The following AHNAK2 variants were observed in gnomAD, a reference collection of about 807,000 sequenced individuals.
AHNAK2 encodes the protein protein AHNAK2.
Under a neutral mutation model 30.7 loss-of-function variants are expected in AHNAK2, and 18 were observed. That is an observed-to-expected ratio of 0.59 (90% confidence interval 0.41 to 0.87). The LOEUF (loss-of-function observed/expected upper bound fraction) is 0.87, where lower values mean the gene tolerates loss of function less well. Among genes scored for constraint, AHNAK2 ranks in the 40% least tolerant of loss-of-function variants. The pLI is 0.00. For synonymous variants in AHNAK2, 3,590 were observed against 3,073.8 expected (o/e 1.17, Z -5.56); for missense variants, 8,604 against 7,373.0 (o/e 1.17, Z -6.11).
At position 104,944,928 on chromosome 14, in the gene AHNAK2, C is replaced by T. The variant is rs751999792; in HGVS notation, c.10523G>A (p.Ser3508Asn). 7 of 1,613,150 alleles carry T rather than the reference C, an allele frequency of 4.3e-6. No individual in the cohort carries two copies. Among genetic ancestry groups the T allele is most frequent in the East Asian group, 4.5e-5 (2 of 44,822 alleles). ...VSAPKVEADV[S>N]LSSMQGDLKA... ...GAGGTCCCCCTGCATGGAGGAGAGG[C>T]TCACGTCGGCCTCCACCTTCGGCGC... is the stretch of plus-strand genomic sequence containing the variant. The change falls in exon 7 of 7, where the codon AGC becomes AAC. Residue 3508 changes from serine (S) to asparagine (N), a missense_variant. By Grantham distance (46) the Ser-to-Asn change is conservative. Transcript: ENST00000333244.
In AHNAK2 at chr14:104,950,110, CG is replaced by C; in HGVS notation, c.5340del (p.Asp1781ThrfsTer36). 1.9e-6 allele frequency: 3 copies of C among 1,586,988 alleles called. 1 individual carries two copies. The highest frequency in any genetic ancestry group is 2.6e-6 in the Non-Finnish European group (3 of 1,163,110). ...LKGPKAEVMA[P>X]DVEVSLPSVE... ...ACGCTGGGCAGAGACACCTCCACGT[CG>C]GGGGCCATCACCTCCGCCTTGGGGC... On this transcript the variant is annotated frameshift_variant, in exon 7 of 7. Coordinates refer to ENST00000333244, the MANE Select transcript of AHNAK2 (RefSeq NM_138420.4). LOFTEE classifies it low-confidence loss of function (END_TRUNC).
At position 104,940,045 on chromosome 14, in the gene AHNAK2, A is replaced by G; in HGVS notation, c.15406T>C (p.Cys5136Arg). The change falls in exon 7 of 7, where the codon TGT (cysteine) becomes CGT (arginine). Residue 5136 changes from cysteine to arginine, a missense_variant. Transcript: ENST00000333244. This position sits in a 1 kb window ranked among gnomAD's most constrained non-coding sequence, Gnocchi z 4.4. ...CTCACTGGGACATCCCCGAGCCCAC[A>G]TCCTCTGCTGTCACCTTCGGTAGAC... is the stretch of plus-strand genomic sequence containing the variant. The part of the protein sequence containing the change: ...DLSTEGDSRG[C>R]GLGDVPVSQP... 6.2e-7 allele frequency: 1 copy of G among 1,609,338 alleles called. No individual in the cohort carries two copies. The highest frequency in any genetic ancestry group is 8.5e-7 in the Non-Finnish European group (1 of 1,177,384).
rs762901237 is a variant in AHNAK2, at chr14:104,940,476, T to C, written c.14975A>G (p.Lys4992Arg). The C allele has an allele frequency of 1.2e-6, 2 of 1,613,834 alleles. No homozygotes were observed. Among genetic ancestry groups the C allele is most frequent in the Non-Finnish European group, 1.7e-6 (2 of 1,179,896 alleles). The change falls in exon 7 of 7, where the codon AAG (lysine) becomes AGG (arginine). Residue 4992 changes from lysine (K) to arginine (R), a missense_variant. Coordinates refer to ENST00000333244, the MANE Select transcript of AHNAK2 (RefSeq NM_138420.4). This position sits in a 1 kb window ranked among gnomAD's most constrained non-coding sequence, Gnocchi z 4.4. ...GGCAGACTGCGGGGCCACTTCATCC[T>C]TGTCTAAAACCAGGCTGAGTTTTGA... is the stretch of plus-strand genomic sequence containing the variant. ...EDSKLSLVLD[K>R]DEVAPQSAIH... is the part of the protein sequence containing the mutation.
chr14:104,955,277 C>A (rs924905166), intron 5 of AHNAK2, 136 bp from the exon 6 acceptor site: 1 of 1,290,166 alleles, frequency 7.8e-7, no homozygotes, highest in Non-Finnish European at 1.1e-6. Flanking sequence ...CAGTCCCCCA[C>A]TGAGTGCCTC....
At chr14:104,963,674 C>T (rs1010478919) in intron 1 of AHNAK2, among the ~76,000 whole-genome samples, 2 of 151,774 alleles carry the variant, frequency 1.3e-5, no homozygotes, top group African/African-American at 4.8e-5. Context: ...TCTAAAAATA[C>T]AAAAAATTAG....
chr14:104,944,774 C>A lies in AHNAK2; in HGVS notation c.10677G>T (p.Val3559=). ...GAGLKGHLPK[V]EMPSLKTPKV... is the part of the protein sequence containing the mutation. ...TGGGCGTCTTTAAACTGGGCATCTC[C>A]ACTTTGGGCAGGTGCCCTTTGAGGC... is the stretch of plus-strand genomic sequence containing the variant. The change falls in exon 7 of 7, where the codon GTG becomes GTT. Residue 3559 remains valine, a synonymous_variant. Coordinates refer to ENST00000333244, the MANE Select transcript of AHNAK2 (RefSeq NM_138420.4). 6.2e-7 allele frequency: 1 copy of A among 1,612,728 alleles called. No individual in the cohort carries two copies.
Position 104,947,966 on chromosome 14 carries a change from C to T in AHNAK2, c.7485G>A (p.Val2495=), listed in dbSNP as rs184602855. ...CCTCGATGGACTTGCCTGGGGCAGACACCCCGAATGACGGCATCTTGAACT... is the reference window on the plus strand; with the variant it reads ...CCTCGATGGACTTGCCTGGGGCAGATACCCCGAATGACGGCATCTTGAACT... ...IPKFKMPSFG[V]SAPGKSIEAS... is the part of the protein sequence containing the mutation. The change falls in exon 7 of 7, where the codon GTG becomes GTA. Residue 2495 remains valine, a synonymous_variant. Coordinates refer to ENST00000333244, the MANE Select transcript of AHNAK2 (RefSeq NM_138420.4). The T allele has an allele frequency of 9.9e-4, 1,600 of 1,612,672 alleles. 35 individuals carry two copies. In the African/African-American group the frequency reaches 0.019, roughly 20 times the overall value.
intron 5 of AHNAK2, 53 bp downstream of exon 5, chr14:104,955,430 C>T (rs1025799722): frequency 3.2e-6 from 5 of 1,569,962 alleles, no homozygotes; most frequent in Non-Finnish European, 1.7e-6. Flanking sequence ...CTCCAGGTCC[C>T]TCCCATCCTG....
At position 104,941,749 on chromosome 14, in the gene AHNAK2, C is replaced by T. The variant is rs569250855; in HGVS notation, c.13702G>A (p.Val4568Ile). 109 of 1,613,664 alleles carry T rather than the reference C, an allele frequency of 6.8e-5. 1 individual carries two copies. Among genetic ancestry groups the T allele is most frequent in the Middle Eastern group, 3.3e-4 (2 of 6,056 alleles). ...TTCAGGTCCAGCTTGGGGCCCTTGACGTCCACCTGGGGGCCCTTGAGGTCC... is the reference window on the plus strand; with the variant it reads ...TTCAGGTCCAGCTTGGGGCCCTTGATGTCCACCTGGGGGCCCTTGAGGTCC... ...KVDLKGPQVDVKGPKLDLKGP... is the reference protein window; with the variant it reads ...KVDLKGPQVDIKGPKLDLKGP... The change falls in exon 7 of 7, where the codon GTC (valine) becomes ATC (isoleucine). Residue 4568 changes from valine (V) to isoleucine (I), a missense_variant. Transcript: ENST00000333244.
Position 104,948,674 on chromosome 14 carries a change from C to T in AHNAK2, c.6777G>A (p.Lys2259=). 1 of 1,611,594 alleles carries T rather than the reference C, an allele frequency of 6.2e-7. No homozygotes were observed. The change falls in exon 7 of 7, where the codon AAG becomes AAA. Residue 2259 remains lysine, a synonymous_variant. Transcript: ENST00000333244. ...GGTCTTTTAGGTCCAGCTTGGGGCCCTTGATGTCTATTTCGGGGCCCTTGA... is the reference window on the plus strand; with the variant it reads ...GGTCTTTTAGGTCCAGCTTGGGGCCTTTGATGTCTATTTCGGGGCCCTTGA... The part of the protein sequence containing the change: ...VDLKGPEIDI[K]GPKLDLKDPK...
rs145893680 is a variant in AHNAK2, at chr14:104,946,985, T to C, written c.8466A>G (p.Ser2822=). ...KFKMPKFKMP[S]FGVSAPGKSI... is the part of the protein sequence containing the mutation. The stretch of plus-strand genomic sequence containing the variant: ...ACTTGCCTGGGGCCGACACCCCGAA[T>C]GACGGCATCTTGAACTTGGGCATTT... Residue 2822 remains serine, a synonymous_variant, in exon 7 of 7, where the codon TCA becomes TCG. Transcript: ENST00000333244. 1.8e-3 allele frequency: 2,829 copies of C among 1,610,134 alleles called. 74 individuals are homozygous for C. In the African/African-American group the frequency reaches 0.025, roughly 14 times the overall value.
Position 104,956,634 on chromosome 14 carries a change from C to T in AHNAK2, c.269G>A (p.Arg90Gln), listed in dbSNP as rs756597901. ...SAGRRRSWWK[R>Q]DSGDSRTFFR... ...AAATGTCCGTGAGTCCCCTGAATCTCGCTTCCACCAGGATCTCCGTCTCCC... is the reference window on the plus strand; with the variant it reads ...AAATGTCCGTGAGTCCCCTGAATCTTGCTTCCACCAGGATCTCCGTCTCCC... Residue 90 changes from arginine to glutamine, a missense_variant, in exon 4 of 7, where the codon CGA (arginine) becomes CAA (glutamine). Transcript: ENST00000333244. The T allele has an allele frequency of 6.2e-6, 10 of 1,613,778 alleles. No homozygotes were observed. Among genetic ancestry groups the T allele is most frequent in the Non-Finnish European group, 8.5e-6 (10 of 1,179,884 alleles).
At position 104,943,186 on chromosome 14, in the gene AHNAK2, C is replaced by T; in HGVS notation, c.12265G>A (p.Ala4089Thr). ...DLKGPKAEVT[A>T]PDVKMSLSSM... is the part of the protein sequence containing the mutation. ...GACAGAGACATCTTCACATCAGGGG[C>T]TGTCACTTCCGCCTTGGGGCCTTTC... Residue 4089 changes from alanine to threonine, a missense_variant, in exon 7 of 7, where the codon GCC becomes ACC. By Grantham distance (58) the Ala-to-Thr change is moderately conservative. Coordinates refer to ENST00000333244, the MANE Select transcript of AHNAK2 (RefSeq NM_138420.4). 6.2e-7 allele frequency: 1 copy of T among 1,612,932 alleles called. No individual in the cohort carries two copies. Among genetic ancestry groups the T allele is most frequent in the Non-Finnish European group, 8.5e-7 (1 of 1,179,522 alleles).
chr14:104,952,807 T>A lies in AHNAK2; in HGVS notation c.2644A>T (p.Ser882Cys), dbSNP rs1458604239. ...MQGDLKATDL[S>C]IQPPSADLEV... ...AGGTCAGCGGAAGGGGGCTGAATGC[T>A]GAGGTCAGTGGCCTTGAGGTCCCCC... is the stretch of plus-strand genomic sequence containing the variant. Residue 882 changes from serine to cysteine, a missense_variant, in exon 7 of 7, where the codon AGC (serine) becomes TGC (cysteine). By Grantham distance (112) the Ser-to-Cys change is moderately radical (BLOSUM62 -1). Transcript: ENST00000333244. 7.4e-6 allele frequency: 12 copies of A among 1,612,178 alleles called. No individual in the cohort carries two copies. Among genetic ancestry groups the A allele is most frequent in the Admixed American group, 1.7e-5 (1 of 59,892 alleles).
Position 104,954,724 on chromosome 14 carries a change from T to G in AHNAK2, c.727A>C (p.Ile243Leu), listed in dbSNP as rs749879171. 1 of 1,612,208 alleles carries G rather than the reference T, an allele frequency of 6.2e-7. No individual in the cohort carries two copies. The highest frequency in any genetic ancestry group is 1.3e-5 in the African/African-American group (1 of 74,896). ...LEGDGDQERL[I>L]SKPRVGRGRQ... ...CCTCTCCCCACCCTTGGTTTGGAGA[T>G]GAGTCTCTCTTGGTCCCCATCTCCT... Residue 243 changes from isoleucine to leucine, a missense_variant, in exon 7 of 7, where the codon ATC (isoleucine) becomes CTC (leucine). Transcript: ENST00000333244. The surrounding 1 kb of genome is among the most constrained non-coding windows in gnomAD (Gnocchi z 4.3).
Position 104,939,893 on chromosome 14 carries a change from C to T in AHNAK2, c.15558G>A (p.Gln5186=). The T allele has an allele frequency of 1.2e-6, 2 of 1,613,498 alleles. No individual in the cohort carries two copies. Among genetic ancestry groups the T allele is most frequent in the Non-Finnish European group, 1.7e-6 (2 of 1,179,892 alleles). ...PEEEAMTKYS[Q]ESWFKMPKFR... is the part of the protein sequence containing the mutation. Reference sequence around the variant, plus strand: ...ACTTGGGCATTTTAAACCAGCTTTCCTGCGAGTACTTGGTCATGGCTTCCT... The same window carrying T: ...ACTTGGGCATTTTAAACCAGCTTTCTTGCGAGTACTTGGTCATGGCTTCCT... Residue 5186 remains glutamine, a synonymous_variant, in exon 7 of 7, where the codon CAG becomes CAA. Transcript: ENST00000333244.
Position 104,959,171 on chromosome 14 carries a change from C to T in AHNAK2, c.56-1499G>A, listed in dbSNP as rs116437651. Among the ~76,000 whole-genome samples the T allele has an allele frequency of 3.2e-3, 492 of 151,702 alleles. 3 individuals carry two copies. Among genetic ancestry groups the T allele is most frequent in the African/African-American group, 0.012 (480 of 41,418 alleles). ...GCAATATAGTAAGATCTCATCTCTA[C>T]AAAAAAAAATTTTTTTTTTGAGACG... On this transcript the variant is annotated intron_variant, in intron 1 of 6. Transcript: ENST00000333244.
At chr14:104,971,042 C>T (rs927657393) in intron 1 of AHNAK2, among the ~76,000 whole-genome samples, 4 of 152,156 alleles carry the variant, frequency 2.6e-5, no homozygotes, top group African/African-American at 4.8e-5. Flanking sequence ...CCCTTCAGCC[C>T]GCTCAGCCCA....
Position 104,943,249 on chromosome 14 carries a change from C to A in AHNAK2, c.12202G>T (p.Gly4068Cys), listed in dbSNP as rs1898078688. ...GGGCCCTTAACATCTATCTGGGGGCCCTTGAGGTCCACTTTGGGCATCTTG... is the reference window on the plus strand; with the variant it reads ...GGGCCCTTAACATCTATCTGGGGGCACTTGAGGTCCACTTTGGGCATCTTG... ...SFKMPKVDLKGPQIDVKGPKL... is the reference protein window; with the variant it reads ...SFKMPKVDLKCPQIDVKGPKL... The change falls in exon 7 of 7, where the codon GGC (glycine) becomes TGC (cysteine). Residue 4068 changes from glycine (G) to cysteine (C), a missense_variant. Coordinates refer to ENST00000333244, the MANE Select transcript of AHNAK2 (RefSeq NM_138420.4). The A allele has an allele frequency of 1.2e-6, 2 of 1,612,756 alleles. No individual in the cohort carries two copies. Among genetic ancestry groups the A allele is most frequent in the Non-Finnish European group, 1.7e-6 (2 of 1,179,500 alleles).
Sources: allele counts gnomAD v4.1 joint callset (sites outside exome capture counted in the v4.1 genomes callset), GRCh38; gene constraint gnomAD v4.1.1; non-coding constraint Gnocchi (gnomAD v3.1); transcripts MANE v1.5; gene names NCBI Gene and HGNC (gene_info 2026-07-23, HGNC 2026-07-21).